Variants in CTNNA2 observed in about 807,000 individuals in gnomAD.
CTNNA2 encodes catenin alpha 2, also known as catenin alpha-2.
In CTNNA2, 42 loss-of-function variants were observed where a neutral mutation model predicts 101.0. The observed-to-expected ratio is 0.42, with a 90% CI of 0.32 to 0.54. The LOEUF is 0.54. CTNNA2 is among the 20% of genes least tolerant of loss of function. The pLI is 0.14. For missense variants in CTNNA2, 871 were observed against 1,223.1 expected, an observed-to-expected ratio of 0.71 and a Z score of 4.29; for synonymous variants, 450 against 456.4, an observed-to-expected ratio of 0.99 and a Z score of 0.18.
chr2:80,593,773 G>A (rs921218872), intron 15 of CTNNA2, among the ~76,000 whole-genome samples: 3 of 152,134 alleles, frequency 2.0e-5, no homozygotes, highest in Non-Finnish European at 4.4e-5. Flanking sequence ...TGTCTTCAAA[G>A]TTCATGCATA....
intron 9 of CTNNA2, among the ~76,000 whole-genome samples, chr2:80,453,645 A>G (rs1205653501): frequency 6.6e-6 from 1 of 152,212 alleles, no homozygotes; most frequent in Admixed American, 6.5e-5. Context: ...TTAAATAGGA[A>G]ACACTACAGA....
chr2:79,384,701 C>G (rs1490127229), intron 4 of CTNNA2, among the ~76,000 whole-genome samples: 4 of 152,144 alleles, frequency 2.6e-5, no homozygotes, highest in Non-Finnish European at 5.9e-5. Context: ...TCTGCACTCT[C>G]TTTGCACATT....
At chr2:79,661,130 A>G (rs1682007242) in intron 2 of CTNNA2, among the ~76,000 whole-genome samples, 1 of 152,122 alleles carries the variant, frequency 6.6e-6, no homozygotes, top group African/African-American at 2.4e-5. Flanking sequence ...CACCTTCAGA[A>G]CCACCTACTG....
At chr2:79,232,075 G>C (rs1369971690) in intron 2 of CTNNA2, among the ~76,000 whole-genome samples, 3 of 152,050 alleles carry the variant, frequency 2.0e-5, no homozygotes, top group Non-Finnish European at 4.4e-5. Context: ...ATTGCCCTGG[G>C]TAGGCCTTCC....
chr2:79,383,300 C>G (rs1246571101), intron 4 of CTNNA2, among the ~76,000 whole-genome samples: 1 of 152,062 alleles, frequency 6.6e-6, no homozygotes, highest in Non-Finnish European at 1.5e-5. Flanking sequence ...TGACATTGTT[C>G]CTACATTCTG....
intron 4 of CTNNA2, among the ~76,000 whole-genome samples, chr2:79,375,856 A>G (rs535029683): frequency 1.1e-4 from 16 of 152,192 alleles, no homozygotes; most frequent in African/African-American, 3.9e-4. Flanking sequence ...TCATACATTC[A>G]TTCATTTTAA....
chr2:80,407,436 A>C (rs952721587), intron 8 of CTNNA2, among the ~76,000 whole-genome samples: 8 of 152,224 alleles, frequency 5.3e-5, no homozygotes, highest in South Asian at 2.1e-4. Context: ...GCATCAGCCA[A>C]TTACTATCTC....
At chr2:80,211,116 G>A (rs181042838) in intron 7 of CTNNA2, among the ~76,000 whole-genome samples, 2 of 152,056 alleles carry the variant, frequency 1.3e-5, no homozygotes, top group African/African-American at 2.4e-5. Flanking sequence ...CTGGATATTA[G>A]CCCCTTGTCA....
chr2:79,464,502 A>C (rs1670912905), intron 4 of CTNNA2, among the ~76,000 whole-genome samples: 1 of 152,304 alleles, frequency 6.6e-6, no homozygotes, highest in East Asian at 1.9e-4. Flanking sequence ...TATACCCAGT[A>C]ATGGGATGGC....
chr2:79,909,420 A>G (rs573340743), intron 6 of CTNNA2, among the ~76,000 whole-genome samples, 174 bp from the exon 7 acceptor site: 2 of 152,384 alleles, frequency 1.3e-5, no homozygotes, highest in African/African-American at 4.8e-5. Context: ...ATTTAGGACA[A>G]AATATCTAGA....
intron 9 of CTNNA2, among the ~76,000 whole-genome samples, chr2:80,432,243 G>A (rs1347391929): frequency 6.6e-6 from 1 of 152,064 alleles, no homozygotes; most frequent in Non-Finnish European, 1.5e-5. Context: ...AGCCACTCCA[G>A]TATGTGCGAG....
At chr2:79,912,105 A>G (rs1685842818) in intron 7 of CTNNA2, among the ~76,000 whole-genome samples, 3 of 152,236 alleles carry the variant, frequency 2.0e-5, no homozygotes, top group Admixed American at 1.3e-4. Flanking sequence ...GCAAGTTTTC[A>G]TCCTAATGTG....
chr2:80,306,446 TTCTTTCTC>T (rs1183386542), intron 7 of CTNNA2, among the ~76,000 whole-genome samples: 11 of 138,236 alleles, frequency 8.0e-5, no homozygotes, highest in Admixed American at 1.5e-4. Context: ...CTTTCTTTCT[TTCTTTCTC>T]TCTCTCTCTT....
At position 79,715,205 on chromosome 2, in the gene CTNNA2, C is replaced by CAAAAAAA. The variant is rs140432724; in HGVS notation, c.103-29164_103-29158dup. Among the ~76,000 whole-genome samples the CAAAAAAA allele has an allele frequency of 1.7e-3, 114 of 66,270 alleles. 2 individuals carry two copies. The highest frequency in any genetic ancestry group is 0.011 in the Middle Eastern group (1 of 94). 43.5% of individuals were successfully genotyped at this position (66,270 alleles called of 152,430 possible). The stretch of plus-strand genomic sequence containing the variant: ...CTGGGCAACAAGAGCAAAATTCCGT[C>CAAAAAAA]AAAAAAAAAAAAAAAAAAAAAAAAC... On this transcript the variant is annotated intron_variant, in intron 2 of 18. Transcript: ENST00000402739.
intron 18 of CTNNA2, among the ~76,000 whole-genome samples, chr2:80,623,290 T>G (rs914901238): frequency 1.3e-5 from 2 of 151,884 alleles, no homozygotes; most frequent in African/African-American, 4.8e-5. Flanking sequence ...CGTGAACTAG[T>G]AACTATGATG....
At chr2:79,245,115 A>C (rs557596321) in intron 2 of CTNNA2, among the ~76,000 whole-genome samples, 1 of 151,922 alleles carries the variant, frequency 6.6e-6, no homozygotes, top group East Asian at 1.9e-4. Context: ...AAAAAAAGGA[A>C]AGAAATCAGT....
intron 1 of CTNNA2, among the ~76,000 whole-genome samples, chr2:79,558,963 C>T (rs1432649372): frequency 2.6e-5 from 4 of 151,810 alleles, no homozygotes; most frequent in East Asian, 1.9e-4. Context: ...CCTCCCATCC[C>T]ATCACTCTTT....
At chr2:79,859,006 A>G (rs1257621170) in intron 4 of CTNNA2, among the ~76,000 whole-genome samples, 1 of 151,660 alleles carries the variant, frequency 6.6e-6, no homozygotes, top group Non-Finnish European at 1.5e-5. Context: ...AACAAAGATG[A>G]TGTAACTTAG....
Position 79,783,152 on chromosome 2 carries a change from G to T in CTNNA2, c.298+38570G>T, listed in dbSNP as rs563491330. On this transcript the variant is annotated intron_variant, in intron 3 of 18. Coordinates refer to ENST00000402739, the MANE Select transcript of CTNNA2 (RefSeq NM_001282597.3). ...CATGCTGATGGAGGTTCTTTAACTT[G>T]CTGAGGGAGAACAAGTGGCTTATAG... 2.2e-4 allele frequency among the ~76,000 whole-genome samples: 34 copies of T among 152,266 alleles called. No homozygotes were observed. In the South Asian group the frequency reaches 7.0e-3, roughly 32 times the overall value.
Sources: allele counts gnomAD v4.1 joint callset (sites outside exome capture counted in the v4.1 genomes callset), GRCh38; gene constraint gnomAD v4.1.1; transcripts MANE v1.5; gene names NCBI Gene and HGNC (gene_info 2026-07-23, HGNC 2026-07-21).